Variants in ASPM observed in about 807,000 individuals in gnomAD.
The protein encoded by ASPM is abnormal spindle-like microcephaly-associated protein.
A neutral mutation model predicts 366.4 loss-of-function variants in ASPM; 256 were observed. That is an observed-to-expected ratio of 0.70 (90% CI 0.63 to 0.77). The LOEUF is 0.77. ASPM is among the 30% of genes least tolerant of loss of function. ASPM has a pLI of 0.00. For synonymous variants in ASPM, 1,414 were observed against 1,342.9 expected (o/e 1.05, Z -1.16); for missense variants, 4,146 against 4,090.4 (o/e 1.01, Z -0.37).
chr1:197,144,775 T>C (rs1026683372), intron 1 of ASPM, among the ~76,000 whole-genome samples: 3 of 152,182 alleles, frequency 2.0e-5, no homozygotes, highest in African/African-American at 7.2e-5. Flanking sequence ...CCCTGGCAGG[T>C]AGACAGAATC....
In ASPM at chr1:197,139,949, G is replaced by A. The variant is rs191930446; in HGVS notation, c.1922-78C>T. The A allele has an allele frequency of 4.7e-4, 470 of 1,007,074 alleles. No homozygotes were observed. The African/African-American group carries it at 6.9e-3, about 15-fold the overall frequency. 62.4% of individuals were successfully genotyped at this position (1,007,074 alleles called of 1,614,324 possible). On this transcript the variant is annotated intron_variant, in intron 3 of 27. Transcript: ENST00000367409. ...ATAGGTCAGTGATTTGAAAGTTAAAGTTTGGGTTCTTCACAATCATATTCA... is the reference window on the plus strand; with the variant it reads ...ATAGGTCAGTGATTTGAAAGTTAAAATTTGGGTTCTTCACAATCATATTCA...
rs1557947527 is a variant in ASPM, at chr1:197,103,976, G to A, written c.5275C>T (p.Gln1759Ter). The change falls in exon 18 of 28, where the codon CAG (glutamine) becomes TAG (stop). Residue 1759 changes from glutamine to a stop codon, truncating the protein, a stop_gained. Coordinates refer to ENST00000367409, the MANE Select transcript of ASPM (RefSeq NM_018136.5). LOFTEE classifies it high-confidence loss of function. Reference protein sequence around the residue: ...RLQRKAVISLQSYFRMRKARQ... With the variant: ...RLQRKAVISL ...GCCTTTCTCATTCTGAAATAAGACT[G>A]TAGTGAAATAACAGCTTTTCTTTGT... The A allele has an allele frequency of 6.2e-7, 1 of 1,612,374 alleles. No homozygotes were observed. Among genetic ancestry groups the A allele is most frequent in the East Asian group, 2.2e-5 (1 of 44,826 alleles).
At position 197,117,968 on chromosome 1, in the gene ASPM, C is replaced by G. The variant is rs373469406; in HGVS notation, c.3886G>C (p.Ala1296Pro). 4.7e-5 allele frequency: 76 copies of G among 1,613,184 alleles called. No homozygotes were observed. Among genetic ancestry groups the G allele is most frequent in the Non-Finnish European group, 6.8e-6 (8 of 1,179,536 alleles). ...LKRHQEREKA[A>P]RIIQLAVINF... ...ATTACAGCCAATTGAATAATTCTTG[C>G]AGCTTTCTCTCTCTCCTAAAATAAA... is the stretch of plus-strand genomic sequence containing the variant. The change falls in exon 17 of 28, where the codon GCA becomes CCA. Residue 1296 changes from alanine (A) to proline (P), a missense_variant. Ala to Pro is a conservative substitution (Grantham distance 27). Transcript: ENST00000367409.
At chr1:197,084,501 A>C (rs968279790) in intron 27 of ASPM, 75 bp from the exon 28 acceptor site, 2 of 1,001,240 alleles carry the variant, frequency 2.0e-6, no homozygotes, top group African/African-American at 3.2e-5. Context: ...TTTTTCTCTT[A>C]ACTAAATTGT....
At chr1:197,139,333 A>G in intron 4 of ASPM, 1 of 688,126 alleles carries the variant, frequency 1.5e-6, no homozygotes, top group Non-Finnish European at 2.5e-6. Flanking sequence ...GCGGTGGCTC[A>G]CGCCTGAAAT....
intron 1 of ASPM, among the ~76,000 whole-genome samples, chr1:197,144,442 A>C (rs1216625637): frequency 6.6e-6 from 1 of 152,230 alleles, no homozygotes; most frequent in Admixed American, 6.5e-5. Flanking sequence ...TACTTCAAAC[A>C]CAAGGACCCT....
At chr1:197,094,624 T>C (rs1190324464) in intron 19 of ASPM, among the ~76,000 whole-genome samples, 1 of 151,682 alleles carries the variant, frequency 6.6e-6, no homozygotes, top group African/African-American at 2.4e-5. Context: ...CTTCCTTTCA[T>C]TTGAAAGGAA....
Position 197,143,100 on chromosome 1 carries a change from T to G in ASPM, c.1152A>C (p.Ser384=), listed in dbSNP as rs746899121. 6.2e-7 allele frequency: 1 copy of G among 1,613,084 alleles called. No individual in the cohort carries two copies. Among genetic ancestry groups the G allele is most frequent in the Admixed American group, 1.7e-5 (1 of 60,002 alleles). Reference sequence around the variant, plus strand: ...GGGATAAAATAGGATTAACTGACTCTGATTCTAGATCCTGATTTAGTCCAT... The same window carrying G: ...GGGATAAAATAGGATTAACTGACTCGGATTCTAGATCCTGATTTAGTCCAT... ...DNYGLNQDLE[S]ESVNPILSPN... Residue 384 remains serine (S), a synonymous_variant, in exon 3 of 28, where the codon TCA becomes TCC. Coordinates refer to ENST00000367409, the MANE Select transcript of ASPM (RefSeq NM_018136.5).
chr1:197,088,196 G>A lies in ASPM; in HGVS notation c.10161+60C>T, dbSNP rs1283790790. 11 of 1,552,948 alleles carry A rather than the reference G, an allele frequency of 7.1e-6. No individual in the cohort carries two copies. In the East Asian group the frequency reaches 2.3e-4, roughly 32 times the overall value. On this transcript the variant is annotated intron_variant, in intron 26 of 27. Transcript: ENST00000367409. ...TAATTACTAAAGGAAAACTATAAAAGTCATAGACTTAAGACCACAGAAAAA... is the reference window on the plus strand; with the variant it reads ...TAATTACTAAAGGAAAACTATAAAAATCATAGACTTAAGACCACAGAAAAA...
intron 13 of ASPM, among the ~76,000 whole-genome samples, chr1:197,122,913 A>G (rs1436660832): frequency 6.6e-6 from 1 of 152,282 alleles, no homozygotes; most frequent in African/African-American, 2.4e-5. Context: ...AGGAAACTAC[A>G]ACAACAAGCA....
chr1:197,142,682 C>A lies in ASPM; in HGVS notation c.1570G>T (p.Ala524Ser), dbSNP rs2125113899. Residue 524 changes from alanine to serine, a missense_variant, in exon 3 of 28, where the codon GCA becomes TCA. Transcript: ENST00000367409. ...KPKAKRCLNS[A>S]VGEHEKVINN... ...ATTACTTTTTCATGTTCACCCACTG[C>A]ACTGTTGAGACATCTTTTTGCTTTT... is the stretch of plus-strand genomic sequence containing the variant. 1.2e-6 allele frequency: 2 copies of A among 1,613,802 alleles called. No homozygotes were observed. Among genetic ancestry groups the A allele is most frequent in the East Asian group, 4.5e-5 (2 of 44,870 alleles).
rs2125110318 is a variant in ASPM, at chr1:197,135,096, C to G, written c.2173G>C (p.Val725Leu). 2 of 1,570,528 alleles carry G rather than the reference C, an allele frequency of 1.3e-6. No individual in the cohort carries two copies. Among genetic ancestry groups the G allele is most frequent in the Non-Finnish European group, 1.7e-6 (2 of 1,142,882 alleles). ...ATTTAAACATTAATTTAACGTTTAC[C>G]TTCAGAAATATTTGTTTTTACAGTG... ...DFTVKTNISE[V>L]NAATLLLGIE... The change falls in exon 5 of 28, where the codon GTA (valine) becomes CTA (leucine). Residue 725 changes from valine to leucine, a missense_variant and splice_region_variant. Physicochemically the swap from Val to Leu is conservative, Grantham distance 32 (BLOSUM62 1). Around this residue, in one of 3 missense-constraint regions of ASPM, gnomAD observed 3,624 missense variants for 3,591.7 expected, o/e 1.01. Transcript: ENST00000367409.
rs752106610 is a variant in ASPM, at chr1:197,103,366, G to A, written c.5885C>T (p.Thr1962Ile). 1.9e-6 allele frequency: 3 copies of A among 1,613,120 alleles called. No individual in the cohort carries two copies. Among genetic ancestry groups the A allele is most frequent in the East Asian group, 2.2e-5 (1 of 44,864 alleles). ...TTGCCTTTGAAGCTGTCTTCTCAGT[G>A]TTTTTCCCTTCCACATAGATTGAAG... ...LVLQSMWKGK[T>I]LRRQLQRQHK... is the part of the protein sequence containing the mutation. Residue 1962 changes from threonine to isoleucine, a missense_variant, in exon 18 of 28, where the codon ACA becomes ATA. This residue lies in a region of ASPM where 3,624 missense variants were observed against 3,591.7 expected (regional missense o/e 1.01). Coordinates refer to ENST00000367409, the MANE Select transcript of ASPM (RefSeq NM_018136.5).
chr1:197,105,268 C>A, intron 17 of ASPM, 83 bp from the exon 18 acceptor site: 1 of 1,062,448 alleles, frequency 9.4e-7, no homozygotes, highest in South Asian at 1.4e-5. Flanking sequence ...ATTTTTCTAA[C>A]ATTCTGCTTA....
chr1:197,135,947 T>A (rs767903607), intron 4 of ASPM, among the ~76,000 whole-genome samples: 1 of 152,130 alleles, frequency 6.6e-6, no homozygotes, highest in East Asian at 1.9e-4. Context: ...AACAGGACTC[T>A]GTCCCAAAAA....
At position 197,102,361 on chromosome 1, in the gene ASPM, C is replaced by T. The variant is rs1260749790; in HGVS notation, c.6890G>A (p.Arg2297Gln). ...KTAILIQRKY[R>Q]AHLCTKHHLQ... ...GTGATGCTTTGTACAAAGATGTGCC[C>T]GATATTTTCTCTGAATCAAAATAGC... is the stretch of plus-strand genomic sequence containing the variant. The change falls in exon 18 of 28, where the codon CGG (arginine) becomes CAG (glutamine). Residue 2297 changes from arginine (R) to glutamine (Q), a missense_variant. Arg to Gln is a conservative substitution (Grantham distance 43). Around this residue, in one of 3 missense-constraint regions of ASPM, gnomAD observed 3,624 missense variants for 3,591.7 expected, o/e 1.01. Coordinates refer to ENST00000367409, the MANE Select transcript of ASPM (RefSeq NM_018136.5). 9 of 1,612,500 alleles carry T rather than the reference C, an allele frequency of 5.6e-6. No individual in the cohort carries two copies. Among genetic ancestry groups the T allele is most frequent in the African/African-American group, 4.0e-5 (3 of 74,716 alleles).
At chr1:197,139,063 C>A in intron 4 of ASPM, 1 of 746,710 alleles carries the variant, frequency 1.3e-6, no homozygotes, top group Non-Finnish European at 2.5e-6. Context: ...GTTGTCTGGG[C>A]CCAGATCTGT....
rs776034810 is a variant in ASPM at position 197,104,531 on chromosome 1, G to A, written c.4720C>T (p.Gln1574Ter). Residue 1574 changes from glutamine (Q) to a stop codon, truncating the protein, a stop_gained, in exon 18 of 28, where the codon CAA (glutamine) becomes TAA (stop). Transcript: ENST00000367409. LOFTEE classifies it high-confidence loss of function. Reference sequence around the variant, plus strand: ...AGGTTTAAAAATCGAACTCTGTCTTGTCTCATTCTCCAGTATGACTGAATA... The same window carrying A: ...AGGTTTAAAAATCGAACTCTGTCTTATCTCATTCTCCAGTATGACTGAATA... ...CVIQSYWRMR[Q>*]DRVRFLNLKK... 1.2e-6 allele frequency: 2 copies of A among 1,612,558 alleles called. No homozygotes were observed. The highest frequency in any genetic ancestry group is 8.5e-7 in the Non-Finnish European group (1 of 1,179,336).
rs1658494485 is a variant in ASPM at position 197,138,767 on chromosome 1, T to C, written c.2026+1000A>G. On this transcript the variant is annotated intron_variant, in intron 4 of 27. Coordinates refer to ENST00000367409, the MANE Select transcript of ASPM (RefSeq NM_018136.5). ...AAACGATTATTTCTTACGATGTTTGTCTTTCTTTGTATTGGTGCTCAGCTG... is the reference window on the plus strand; with the variant it reads ...AAACGATTATTTCTTACGATGTTTGCCTTTCTTTGTATTGGTGCTCAGCTG... The C allele has an allele frequency of 3.2e-5, 23 of 727,662 alleles. 1 individual carries two copies. The South Asian group carries it at 3.3e-4, about 10-fold the overall frequency. 45.1% of individuals were successfully genotyped at this position (727,662 alleles called of 1,614,324 possible). A position where few individuals can be genotyped will look rare whatever the true frequency, so the allele number is the denominator to read the frequency against.
Sources: allele counts gnomAD v4.1 joint callset (sites outside exome capture counted in the v4.1 genomes callset), GRCh38; gene constraint gnomAD v4.1.1; regional missense constraint gnomAD v4.1.1; transcripts MANE v1.5; gene names NCBI Gene and HGNC (gene_info 2026-07-23, HGNC 2026-07-21).